LCOR: variants seen among roughly 807,000 people sequenced by gnomAD.
LCOR encodes the protein ligand-dependent corepressor.
A neutral mutation model predicts 64.4 loss-of-function variants in LCOR; 14 were observed. That is an observed-to-expected ratio of 0.22 (90% CI 0.14 to 0.34). The LOEUF is 0.34. LCOR is among the 10% of genes least tolerant of loss of function. The pLI, the probability that LCOR is intolerant of heterozygous loss-of-function variation, is 1.00. For missense variants in LCOR, 1,686 were observed against 1,765.3 expected, an observed-to-expected ratio of 0.96 and a Z score of 0.80; for synonymous variants, 643 against 642.5, an observed-to-expected ratio of 1.00 and a Z score of -0.01.
rs780518988 is a variant in LCOR, at chr10:96,981,282, T to C, written c.822T>C (p.Ser274=). The change falls in exon 8 of 8, where the codon TCT becomes TCC. Residue 274 remains serine (S), a synonymous_variant. Transcript: ENST00000421806. ...TCACTCCGGGATACCTCACTGCATC[T>C]AATTGTTCCTCAGTGAACTTCCACC... is the stretch of plus-strand genomic sequence containing the variant. The part of the protein sequence containing the change: ...DSFTPGYLTA[S]NCSSVNFHHI... The C allele has an allele frequency of 7.5e-7, 1 of 1,326,996 alleles. No individual in the cohort carries two copies. Among genetic ancestry groups the C allele is most frequent in the Non-Finnish European group, 1.1e-6 (1 of 928,254 alleles). 82.2% of individuals were successfully genotyped at this position (1,326,996 alleles called of 1,614,324 possible).
At chr10:96,866,699 C>A (rs1370907883) in intron 2 of LCOR, among the ~76,000 whole-genome samples, 3 of 152,140 alleles carry the variant, frequency 2.0e-5, no homozygotes, top group Non-Finnish European at 2.9e-5. Flanking sequence ...CTCAGCCTCC[C>A]TAGTAGCTCG....
rs1429258738 is a variant in LCOR at position 96,988,248 on chromosome 10, C to T, written c.*3114C>T. Reference sequence around the variant, plus strand: ...CCTCAGACAGGTAACAATCTTGCAGCACAGCAGGAAGGTTGTGAACCTTTA... The same window carrying T: ...CCTCAGACAGGTAACAATCTTGCAGTACAGCAGGAAGGTTGTGAACCTTTA... On this transcript the variant is annotated 3_prime_UTR_variant, in exon 8 of 8. Transcript: ENST00000421806. The T allele has an allele frequency of 6.6e-6, 1 of 152,246 alleles. No homozygotes were observed. The highest frequency in any genetic ancestry group is 1.5e-5 in the Non-Finnish European group (1 of 68,058). The allele number at this position is 152,246 out of a possible 1,614,324, so 9.4% of individuals were successfully genotyped here.
In LCOR at chr10:96,832,414, C is replaced by T. The variant is rs1190573789; in HGVS notation, c.-404+15C>T. ...TCACTGTGTAGGTGAGACCCTCCGC[C>T]GACCGCCGCCGCCCCTCCGGCCGCC... On this transcript the variant is annotated intron_variant, in intron 1 of 7. Transcript: ENST00000421806. 8 of 961,174 alleles carry T rather than the reference C, an allele frequency of 8.3e-6. No homozygotes were observed. In the East Asian group the frequency reaches 6.9e-4, roughly 83 times the overall value. 59.5% of individuals were successfully genotyped at this position (961,174 alleles called of 1,614,324 possible).
chr10:96,897,866 C>CTTT (rs59098946), intron 2 of LCOR, among the ~76,000 whole-genome samples: 5 of 116,270 alleles, frequency 4.3e-5, no homozygotes, highest in African/African-American at 6.2e-5. Context: ...AGAAAGCCAT[C>CTTT]TTTTTTTTTT....
chr10:96,935,090 A>G (rs115243652), intron 4 of LCOR, among the ~76,000 whole-genome samples: 3,656 of 147,724 alleles, frequency 0.025, 153 homozygotes, highest in African/African-American at 0.086. Flanking sequence ...CTGAGGGGAG[A>G]TGACATGAAT....
chr10:96,979,844 T>G (rs1014721372), intron 7 of LCOR, among the ~76,000 whole-genome samples: 1 of 152,184 alleles, frequency 6.6e-6, no homozygotes, highest in Non-Finnish European at 1.5e-5. Flanking sequence ...GAAACTATCT[T>G]AAAACTGTTA....
intron 2 of LCOR, among the ~76,000 whole-genome samples, chr10:96,848,451 AGTTGGAGACCAGCCTGACC>A (rs1457694377): frequency 6.6e-6 from 1 of 152,234 alleles, no homozygotes; most frequent in Admixed American, 6.5e-5. Flanking sequence ...TGAGGTCAGG[AGTTGGAGACCAGCCTGACC>A]AACATGGTGA....
Position 96,873,557 on chromosome 10 carries a change from T to TAC in LCOR, c.-329-33695_-329-33694dup, listed in dbSNP as rs34692687. On this transcript the variant is annotated intron_variant, in intron 2 of 7. Transcript: ENST00000421806. ...CTAAGTAAGTTGTTTTGTTTTTCGA[T>TAC]ACACACACACACACGTGTGTGTGTG... Among the ~76,000 whole-genome samples, 18 of 138,116 alleles carry TAC rather than the reference T, an allele frequency of 1.3e-4. 1 individual carries two copies. The highest frequency in any genetic ancestry group is 6.8e-4 in the East Asian group (3 of 4,426). 90.6% of individuals were successfully genotyped at this position (138,116 alleles called of 152,430 possible).
intron 7 of LCOR, chr10:96,958,906 T>TAAAAAAAA (rs74784568): frequency 5.8e-5 from 6 of 103,870 alleles, no homozygotes; most frequent in South Asian, 2.9e-4. Context: ...AAGAAAAACT[T>TAAAAAAAA]AAAAAAAAAA....
rs1056879797 is a variant in LCOR, at chr10:96,986,675, C to T, written c.*1541C>T. 1 of 152,194 alleles carries T rather than the reference C, an allele frequency of 6.6e-6. No homozygotes were observed. The highest frequency in any genetic ancestry group is 1.5e-5 in the Non-Finnish European group (1 of 68,042). 9.4% of individuals were successfully genotyped at this position (152,194 alleles called of 1,614,324 possible). The stretch of plus-strand genomic sequence containing the variant: ...ACCTTGCTCCATTATTATAGTGCAG[C>T]GTGTACTTGACTTTTCCATTGGGCC... On this transcript the variant is annotated 3_prime_UTR_variant, in exon 8 of 8. Transcript: ENST00000421806.
chr10:96,867,489 C>G (rs1589616575), intron 2 of LCOR, among the ~76,000 whole-genome samples: 1 of 152,138 alleles, frequency 6.6e-6, no homozygotes, highest in African/African-American at 2.4e-5. Flanking sequence ...CCCAGCTACT[C>G]AGAAGACTGA....
intron 4 of LCOR, among the ~76,000 whole-genome samples, chr10:96,942,905 CACTT>C (rs891216483): frequency 5.3e-5 from 8 of 152,156 alleles, no homozygotes; most frequent in African/African-American, 1.9e-4. Flanking sequence ...TAGAACTTAA[CACTT>C]AAATATGCAT....
Position 96,983,045 on chromosome 10 carries a change from C to G in LCOR, c.2585C>G (p.Pro862Arg). The change falls in exon 8 of 8, where the codon CCT becomes CGT. Residue 862 changes from proline to arginine, a missense_variant. Pro to Arg is a moderately radical substitution (Grantham distance 103, BLOSUM62 -2). Transcript: ENST00000421806. This position sits in a 1 kb window ranked among gnomAD's most constrained non-coding sequence, Gnocchi z 4.5. Reference sequence around the variant, plus strand: ...AAACGTTCAAAAAAAGAAGGGCACCCTGGTGGGACAACACCTAAGGGCCTT... The same window carrying G: ...AAACGTTCAAAAAAAGAAGGGCACCGTGGTGGGACAACACCTAAGGGCCTT... ...SAKRSKKEGH[P>R]GGTTPKGLLP... is the part of the protein sequence containing the mutation. 6.2e-7 allele frequency: 1 copy of G among 1,613,972 alleles called. No homozygotes were observed. The highest frequency in any genetic ancestry group is 1.3e-5 in the African/African-American group (1 of 75,012).
chr10:96,956,907 G>A (rs1847793220), intron 7 of LCOR: 1 of 985,156 alleles, frequency 1.0e-6, no homozygotes, highest in Non-Finnish European at 1.2e-6. Context: ...TATTGGGGAT[G>A]GGAGAAATAG....
intron 2 of LCOR, among the ~76,000 whole-genome samples, chr10:96,858,986 T>G (rs1845846345): frequency 6.6e-6 from 1 of 152,208 alleles, no homozygotes; most frequent in African/African-American, 2.4e-5. Context: ...TACGGCACAT[T>G]GCAGTATTGT....
At position 96,984,303 on chromosome 10, in the gene LCOR, T is replaced by A; in HGVS notation, c.3843T>A (p.Asn1281Lys). The A allele has an allele frequency of 6.2e-7, 1 of 1,614,112 alleles. No homozygotes were observed. The highest frequency in any genetic ancestry group is 8.5e-7 in the Non-Finnish European group (1 of 1,180,040). The stretch of plus-strand genomic sequence containing the variant: ...GCAGTGATGTCAGCCCCGGCCCTAA[T>A]TCTGAAGACAGCATAGAGGAAGTCA... ...EDGSDVSPGPNSEDSIEEVKE... is the reference protein window; with the variant it reads ...EDGSDVSPGPKSEDSIEEVKE... Residue 1281 changes from asparagine to lysine, a missense_variant, in exon 8 of 8, where the codon AAT becomes AAA. Transcript: ENST00000421806.
At chr10:96,967,268 A>C (rs1487374720) in intron 7 of LCOR, among the ~76,000 whole-genome samples, 1 of 152,012 alleles carries the variant, frequency 6.6e-6, no homozygotes, top group African/African-American at 2.4e-5. Flanking sequence ...AGTAGCTGGG[A>C]TTATAGGTGT....
At chr10:96,969,072 C>A (rs1847974845) in intron 7 of LCOR, among the ~76,000 whole-genome samples, 2 of 152,156 alleles carry the variant, frequency 1.3e-5, no homozygotes, top group Admixed American at 1.3e-4. Flanking sequence ...AAATGAGATT[C>A]TGTTGTGTAA....
rs761811169 is a variant in LCOR at position 96,981,393 on chromosome 10, G to A, written c.933G>A (p.Met311Ile). 6 of 1,614,068 alleles carry A rather than the reference G, an allele frequency of 3.7e-6. No individual in the cohort carries two copies. In the East Asian group the frequency reaches 1.3e-4, roughly 36 times the overall value. The change falls in exon 8 of 8, where the codon ATG (methionine) becomes ATA (isoleucine). Residue 311 changes from methionine to isoleucine, a missense_variant. Around this residue, in one of 3 missense-constraint regions of LCOR, gnomAD observed 313 missense variants for 247.2 expected, o/e 1.27. Coordinates refer to ENST00000421806, the MANE Select transcript of LCOR (RefSeq NM_001346516.2). The stretch of plus-strand genomic sequence containing the variant: ...TATGTGAGGATGGTAAAGACCATAT[G>A]CAGAGTTCAGCTTTAGTAGAAAGTC... ...VNICEDGKDH[M>I]QSSALVESLI...
Sources: allele counts gnomAD v4.1 joint callset (sites outside exome capture counted in the v4.1 genomes callset), GRCh38; gene constraint gnomAD v4.1.1; regional missense constraint gnomAD v4.1.1; non-coding constraint Gnocchi (gnomAD v3.1); transcripts MANE v1.5; gene names NCBI Gene and HGNC (gene_info 2026-07-23, HGNC 2026-07-21).